Variants in FUT8 observed in about 807,000 individuals in gnomAD.
FUT8 encodes alpha-(1,6)-fucosyltransferase.
Under a neutral mutation model 71.3 loss-of-function variants are expected in FUT8, and 29 were observed. That is an observed-to-expected ratio of 0.41 (90% confidence interval 0.30 to 0.55). The LOEUF is 0.55. Ranked by LOEUF, FUT8 falls within the 20% of genes least tolerant of loss-of-function variation. The probability of loss-of-function intolerance (pLI) is 0.34; values close to 1 mark genes in which losing one functional copy is unlikely to be tolerated. For missense variants in FUT8, 544 were observed against 702.1 expected (o/e 0.77, Z 2.55); for synonymous variants, 254 against 239.3 (o/e 1.06, Z -0.57).
chr14:65,611,285 ACACACACACACACACACCC>A (rs1888971457), intron 3 of FUT8, among the ~76,000 whole-genome samples: 3 of 42,456 alleles, frequency 7.1e-5, no homozygotes, highest in Non-Finnish European at 1.3e-4. Flanking sequence ...ACACACACAC[ACACACACACACACACACCC>A]CCCAAGTAAT....
chr14:65,609,913 T>A (rs111971834), intron 3 of FUT8, among the ~76,000 whole-genome samples: 12 of 152,052 alleles, frequency 7.9e-5, no homozygotes, highest in African/African-American at 2.9e-4. Flanking sequence ...AATTTTAAAT[T>A]TATAAGTCGT....
At chr14:65,452,354 C>T (rs1360667597) in intron 1 of FUT8, among the ~76,000 whole-genome samples, 1 of 152,164 alleles carries the variant, frequency 6.6e-6, no homozygotes, top group Non-Finnish European at 1.5e-5. Flanking sequence ...AACCACAGTT[C>T]TCAAGACATT....
chr14:65,672,611 C>T (rs573045511), intron 7 of FUT8, among the ~76,000 whole-genome samples: 99 of 152,226 alleles, frequency 6.5e-4, no homozygotes, highest in African/African-American at 2.2e-3. Flanking sequence ...AGGCATGCTC[C>T]ATCATGCCCA....
At position 65,742,455 on chromosome 14, in the gene FUT8, C is replaced by T. The variant is rs747515248; in HGVS notation, c.*45C>T. The T allele has an allele frequency of 1.3e-6, 2 of 1,553,508 alleles. No individual in the cohort carries two copies. The highest frequency in any genetic ancestry group is 1.8e-6 in the Non-Finnish European group (2 of 1,141,448). Reference sequence around the variant, plus strand: ...AACGACCAAACTCAGTTCGACCAAACTCAGTTCAAACCATTTCAGCCAAAC... The same window carrying T: ...AACGACCAAACTCAGTTCGACCAAATTCAGTTCAAACCATTTCAGCCAAAC... On this transcript the variant is annotated 3_prime_UTR_variant, in exon 11 of 11. Coordinates refer to ENST00000673929, the MANE Select transcript of FUT8 (RefSeq NM_001371533.1).
rs868813783 is a variant in FUT8 at position 65,740,359 on chromosome 14, A to G, written c.1411-1734A>G. 5.3e-5 allele frequency among the ~76,000 whole-genome samples: 8 copies of G among 152,050 alleles called. 1 individual carries two copies. The highest frequency in any genetic ancestry group is 1.9e-4 in the East Asian group (1 of 5,130). The stretch of plus-strand genomic sequence containing the variant: ...AAATGTAGTTTCATTTGCAAATTAT[A>G]TATAGCATTTGAGAATTGCCCCTCA... On this transcript the variant is annotated intron_variant, in intron 10 of 10. Coordinates refer to ENST00000673929, the MANE Select transcript of FUT8 (RefSeq NM_001371533.1).
At chr14:65,557,414 C>A (rs1021940296) in intron 2 of FUT8, among the ~76,000 whole-genome samples, 1 of 150,942 alleles carries the variant, frequency 6.6e-6, no homozygotes, top group African/African-American at 2.4e-5. Context: ...CTCACTGCAA[C>A]CTCCACCTTC....
At chr14:65,471,743 T>G (rs79830401) in intron 2 of FUT8, among the ~76,000 whole-genome samples, 2,743 of 151,910 alleles carry the variant, frequency 0.018, 81 homozygotes, top group African/African-American at 0.062. Flanking sequence ...ATTATCAGTT[T>G]TTTTTTTTTT....
At chr14:65,610,743 C>A (rs1174443671) in intron 3 of FUT8, among the ~76,000 whole-genome samples, 2 of 151,746 alleles carry the variant, frequency 1.3e-5, no homozygotes, top group African/African-American at 4.8e-5. Flanking sequence ...AGTCCTTTTT[C>A]TGAGTGTATT....
rs372011134 is a variant in FUT8 at position 65,628,497 on chromosome 14, G to A, written c.483-995G>A. Among the ~76,000 whole-genome samples the A allele has an allele frequency of 1.2e-4, 19 of 152,260 alleles. 3 individuals are homozygous for A. Among genetic ancestry groups the A allele is most frequent in the African/African-American group, 4.3e-4 (18 of 41,554 alleles). On this transcript the variant is annotated intron_variant, in intron 5 of 10. Transcript: ENST00000673929. ...GGTGAGAGAAGATGGTGTCTCAGTTGGTAAAAGTGCTGGTGGTGATATGTG... is the reference window on the plus strand; with the variant it reads ...GGTGAGAGAAGATGGTGTCTCAGTTAGTAAAAGTGCTGGTGGTGATATGTG...
At chr14:65,736,899 G>A (rs1266100437) in intron 10 of FUT8, among the ~76,000 whole-genome samples, 1 of 152,042 alleles carries the variant, frequency 6.6e-6, no homozygotes, top group Non-Finnish European at 1.5e-5. Flanking sequence ...TTTTATTCAT[G>A]TAAACTTTCT....
the FUT8 span, among the ~76,000 whole-genome samples, chr14:65,401,013 C>T: frequency 8.5e-5 from 13 of 152,136 alleles, no homozygotes; most frequent in South Asian, 8.3e-4. Context: ...TCTCCTGAGC[C>T]CACCTTTTAC....
At chr14:65,735,026 G>C (rs78444156) in intron 10 of FUT8, among the ~76,000 whole-genome samples, 1 of 152,240 alleles carries the variant, frequency 6.6e-6, no homozygotes, top group African/African-American at 2.4e-5. Flanking sequence ...TGCCCTGGTT[G>C]AGAACTACAG....
At chr14:65,587,401 T>C (rs1328175380) in intron 3 of FUT8, among the ~76,000 whole-genome samples, 1 of 152,156 alleles carries the variant, frequency 6.6e-6, no homozygotes, top group South Asian at 2.1e-4. Flanking sequence ...GTCTTTTGAA[T>C]CTTTGGTAAC....
At chr14:65,474,340 C>A (rs1275074695) in intron 2 of FUT8, among the ~76,000 whole-genome samples, 1 of 150,432 alleles carries the variant, frequency 6.6e-6, no homozygotes. Flanking sequence ...GGTTGGTTCA[C>A]GCCTGTAATC....
intron 2 of FUT8, among the ~76,000 whole-genome samples, chr14:65,473,227 C>G (rs2066176246): frequency 6.6e-6 from 1 of 152,118 alleles, no homozygotes; most frequent in Non-Finnish European, 1.5e-5. Flanking sequence ...GTTGGTCAGA[C>G]TGATAGTTTA....
chr14:65,668,193 C>A (rs1566885336), intron 6 of FUT8, among the ~76,000 whole-genome samples: 1 of 152,094 alleles, frequency 6.6e-6, no homozygotes, highest in Non-Finnish European at 1.5e-5. Context: ...ACGCCAAAAG[C>A]AGTTGCAACA....
At chr14:65,531,349 G>A (rs1883944050) in intron 2 of FUT8, among the ~76,000 whole-genome samples, 1 of 151,984 alleles carries the variant, frequency 6.6e-6, no homozygotes, top group African/African-American at 2.4e-5. Flanking sequence ...ATTATTATAT[G>A]TCTATGCTAT....
At chr14:65,541,698 C>T (rs1884688572) in intron 2 of FUT8, among the ~76,000 whole-genome samples, 1 of 152,206 alleles carries the variant, frequency 6.6e-6, no homozygotes, top group Non-Finnish European at 1.5e-5. Context: ...TGGGAACACC[C>T]TCACTGACAC....
chr14:65,552,728 G>A (rs913457402), intron 2 of FUT8, among the ~76,000 whole-genome samples: 1 of 151,900 alleles, frequency 6.6e-6, no homozygotes, highest in Non-Finnish European at 1.5e-5. Context: ...TCTCTTCTCT[G>A]TTTTTTCTCT....
Sources: allele counts gnomAD v4.1 joint callset (sites outside exome capture counted in the v4.1 genomes callset), GRCh38; gene constraint gnomAD v4.1.1; transcripts MANE v1.5; gene names NCBI Gene and HGNC (gene_info 2026-07-23, HGNC 2026-07-21).